Variants in MYH15 observed in about 807,000 individuals in gnomAD.
MYH15 encodes the protein myosin-15.
MYH15 carries 227 observed loss-of-function variants against 240.5 expected under a neutral mutation model. The ratio of observed to expected loss-of-function variants is 0.94; its 90% CI spans 0.85 to 1.05. MYH15 has a LOEUF of 1.05. Among genes scored for constraint, MYH15 ranks in the 50% least tolerant of loss-of-function variants. MYH15 has a pLI of 0.00. For synonymous variants in MYH15, 785 were observed against 796.7 expected, an observed-to-expected ratio of 0.99 and a Z score of 0.25; for missense variants, 2,217 against 2,247.5, an observed-to-expected ratio of 0.99 and a Z score of 0.27.
At position 108,456,757 on chromosome 3, in the gene MYH15, T is replaced by C. The variant is rs1304464315; in HGVS notation, c.2138+9A>G. Reference sequence around the variant, plus strand: ...CTCAGGCTTCTTGGATCCTAGAATGTAGGTTTACCTTTGTTTAAAATCAGC... The same window carrying C: ...CTCAGGCTTCTTGGATCCTAGAATGCAGGTTTACCTTTGTTTAAAATCAGC... On this transcript the variant is annotated intron_variant, in intron 19 of 40. Coordinates refer to ENST00000693548, the MANE Select transcript of MYH15 (RefSeq NM_014981.3). The C allele has an allele frequency of 1.3e-6, 2 of 1,585,206 alleles. No individual in the cohort carries two copies. Among genetic ancestry groups the C allele is most frequent in the African/African-American group, 1.3e-5 (1 of 74,232 alleles).
Position 108,507,244 on chromosome 3 carries a change from T to TTCACATATGA in MYH15, c.89-1416_89-1415insTCATATGTGA, listed in dbSNP as rs375556540. 8.9e-3 allele frequency among the ~76,000 whole-genome samples: 579 copies of TTCACATATGA among 64,902 alleles called. 13 individuals are homozygous for TTCACATATGA. Among genetic ancestry groups the TTCACATATGA allele is most frequent in the Non-Finnish European group, 0.017 (440 of 26,572 alleles). 42.6% of individuals were successfully genotyped at this position (64,902 alleles called of 152,430 possible). A position where few individuals can be genotyped will look rare whatever the true frequency, so the allele number is the denominator to read the frequency against. ...GAAAATGAATATATATATATATATATATATATATATATATATATATATATA... is the reference window on the plus strand; with the variant it reads ...GAAAATGAATATATATATATATATATTCACATATGAATATATATATATATATATATATATA... On this transcript the variant is annotated intron_variant, in intron 1 of 40. Transcript: ENST00000693548.
chr3:108,488,067 C>CTT (rs143578153), intron 9 of MYH15, among the ~76,000 whole-genome samples: 1 of 147,682 alleles, frequency 6.8e-6, no homozygotes. Flanking sequence ...ATTTCACATA[C>CTT]TTTTTTTTTT....
chr3:108,512,369 C>T (rs1481219070), upstream of MYH15, among the ~76,000 whole-genome samples: 1 of 152,076 alleles, frequency 6.6e-6, no homozygotes, highest in Non-Finnish European at 1.5e-5. Context: ...GCTCTGGTGG[C>T]ATATTCTGGG....
chr3:108,540,955 A>G, the MYH15 span, among the ~76,000 whole-genome samples: 1 of 152,110 alleles, frequency 6.6e-6, no homozygotes, highest in Non-Finnish European at 1.5e-5. Context: ...AATACAATGA[A>G]CATATAATGA....
At chr3:108,488,746 G>A (rs891352517) in intron 9 of MYH15, among the ~76,000 whole-genome samples, 12 of 152,144 alleles carry the variant, frequency 7.9e-5, no homozygotes, top group African/African-American at 2.9e-4. Flanking sequence ...CATTGAACAT[G>A]GAAGTACAGA....
chr3:108,409,549 G>A (rs778758071), intron 31 of MYH15, among the ~76,000 whole-genome samples: 9 of 152,122 alleles, frequency 5.9e-5, no homozygotes, highest in African/African-American at 1.2e-4. Flanking sequence ...TTTAGCACCC[G>A]TCACGTCTCC....
chr3:108,409,077 CTCAGAGAATTACCCAGT>C, intron 31 of MYH15, among the ~76,000 whole-genome samples: 1 of 152,300 alleles, frequency 6.6e-6, no homozygotes, highest in East Asian at 1.9e-4. Context: ...GGCCAAGTAG[CTCAGAGAATTACCCAGT>C]TCAGAGGTGG....
At position 108,383,743 on chromosome 3, in the gene MYH15, A is replaced by T. The variant is rs778861932; in HGVS notation, c.5632-14T>A. The T allele has an allele frequency of 4.3e-5, 66 of 1,530,064 alleles. No homozygotes were observed. The highest frequency in any genetic ancestry group is 5.5e-5 in the Non-Finnish European group (63 of 1,145,636). The allele number at this position is 1,530,064 out of a possible 1,614,324, so 94.8% of individuals were successfully genotyped here. A position where few individuals can be genotyped will look rare whatever the true frequency, so the allele number is the denominator to read the frequency against. On this transcript the variant is annotated splice_polypyrimidine_tract_variant and intron_variant, in intron 39 of 40. Transcript: ENST00000693548. ...GGCTTGTGTTTCCTATAAAAATAAA[A>T]AAAAAAAAAAAGAAATCTCCATGCC...
chr3:108,389,145 A>G, intron 37 of MYH15, 71 bp from the exon 38 acceptor site: 1 of 1,356,020 alleles, frequency 7.4e-7, no homozygotes, highest in Middle Eastern at 1.8e-4. Flanking sequence ...GATTGGCACA[A>G]TCATTTGAAA....
At chr3:108,501,125 C>G (rs776994636) in intron 3 of MYH15, among the ~76,000 whole-genome samples, 7 of 152,206 alleles carry the variant, frequency 4.6e-5, no homozygotes, top group Non-Finnish European at 7.4e-5. Context: ...CATGGTAAAT[C>G]AGAAAGCTGA....
chr3:108,492,474 C>T (rs2083357639), intron 9 of MYH15, 26 bp downstream of exon 9: 1 of 1,528,466 alleles, frequency 6.5e-7, no homozygotes, highest in East Asian at 2.3e-5. Context: ...TTGGAATAAC[C>T]CTAAGCTCCA....
rs755149252 is a variant in MYH15 at position 108,470,808 on chromosome 3, C to A, written c.1273G>T (p.Glu425Ter). 1 of 1,613,886 alleles carries A rather than the reference C, an allele frequency of 6.2e-7. No homozygotes were observed. The highest frequency in any genetic ancestry group is 8.5e-7 in the Non-Finnish European group (1 of 1,179,846). Residue 425 changes from glutamate to a stop codon, truncating the protein, a stop_gained, in exon 13 of 41, where the codon GAA (glutamate) becomes TAA (stop). Coordinates refer to ENST00000693548, the MANE Select transcript of MYH15 (RefSeq NM_014981.3). LOFTEE classifies it high-confidence loss of function. ...AVGALSKSMY[E>*]RMFKWLVARI... ...GCCACTAGCCACTTAAACATCCTTTCATACATTGACTTGGACAGGGCACCG... is the reference window on the plus strand; with the variant it reads ...GCCACTAGCCACTTAAACATCCTTTAATACATTGACTTGGACAGGGCACCG...
Position 108,476,410 on chromosome 3 carries a change from T to C in MYH15, c.1220A>G (p.Gln407Arg), listed in dbSNP as rs370092066. The change falls in exon 12 of 41, where the codon CAA becomes CGA. Residue 407 changes from glutamine to arginine, a missense_variant. By Grantham distance (43) the Gln-to-Arg change is conservative. Transcript: ENST00000693548. ...ATATCACCTTACCTGTTCTATAGTT[T>C]GACCTCTGGTAACATATTCGTTACC... ...KVGNEYVTRG[Q>R]TIEQVTCAVG... 4.4e-6 allele frequency: 7 copies of C among 1,592,018 alleles called. No individual in the cohort carries two copies. The African/African-American group carries it at 9.4e-5, about 21-fold the overall frequency.
intron 21 of MYH15, among the ~76,000 whole-genome samples, chr3:108,446,006 C>A (rs2082924820): frequency 1.3e-5 from 2 of 152,140 alleles, no homozygotes; most frequent in South Asian, 4.2e-4. Context: ...ATGACCCTTA[C>A]AACCTCAGGT....
At chr3:108,438,631 GATCC>G (rs2082860837) in intron 24 of MYH15, among the ~76,000 whole-genome samples, 1 of 152,190 alleles carries the variant, frequency 6.6e-6, no homozygotes, top group Non-Finnish European at 1.5e-5. Flanking sequence ...TTATAAAAGA[GATCC>G]TGGAGAGCTC....
chr3:108,533,643 A>G (rs1048144216), upstream of MYH15, among the ~76,000 whole-genome samples: 1 of 152,124 alleles, frequency 6.6e-6, no homozygotes, highest in Non-Finnish European at 1.5e-5. Flanking sequence ...AGTTGGGACT[A>G]TATTTCGTGA....
rs2107529087 is a variant in MYH15, at chr3:108,380,425, G to A, written c.*1120C>T. ...CCTTACACAATTGTGGGTGCTGGTG[G>A]AGAAGTCTAGGCCAGGCTGTTCCCT... is the stretch of plus-strand genomic sequence containing the variant. On this transcript the variant is annotated 3_prime_UTR_variant, in exon 41 of 41. Transcript: ENST00000693548. 6.6e-6 allele frequency: 1 copy of A among 152,528 alleles called. No homozygotes were observed. The highest frequency in any genetic ancestry group is 2.4e-5 in the African/African-American group (1 of 41,588). The allele number at this position is 152,528 out of a possible 1,614,324, so 9.4% of individuals were successfully genotyped here. A position where few individuals can be genotyped will look rare whatever the true frequency, so the allele number is the denominator to read the frequency against.
chr3:108,499,382 C>G, intron 5 of MYH15, 73 bp downstream of exon 5: 1 of 1,426,088 alleles, frequency 7.0e-7, no homozygotes, highest in Non-Finnish European at 9.8e-7. Context: ...AGTTTTATTC[C>G]CAGTGAAATG....
chr3:108,516,274 G>A (rs2083571696), intron 1 of MYH15, among the ~76,000 whole-genome samples: 1 of 152,144 alleles, frequency 6.6e-6, no homozygotes, highest in South Asian at 2.1e-4. Flanking sequence ...AAGCCATGAT[G>A]CAAGTAATAA....
Sources: gnomAD v4.1 joint callset for allele counts (sites outside exome capture counted in the v4.1 genomes callset) on GRCh38, gnomAD v4.1.1 for gene constraint, MANE v1.5 for transcripts, NCBI Gene and HGNC (gene_info 2026-07-23, HGNC 2026-07-21) for gene names.